ADAMTS3: variants seen among roughly 807,000 people sequenced by gnomAD.
The protein encoded by ADAMTS3 is A disintegrin and metalloproteinase with thrombospondin motifs 3.
ADAMTS3 carries 73 observed loss-of-function variants against 129.0 expected under a neutral mutation model. The ratio of observed to expected loss-of-function variants is 0.57; its 90% CI spans 0.47 to 0.69. ADAMTS3 has a LOEUF of 0.69. ADAMTS3 is among the 30% of genes least tolerant of loss of function. The pLI is 0.00. For synonymous variants in ADAMTS3, 477 were observed against 510.8 expected, an observed-to-expected ratio of 0.93 and a Z score of 0.89; for missense variants, 1,457 against 1,514.5, an observed-to-expected ratio of 0.96 and a Z score of 0.63.
At chr4:72,351,433 A>G (rs1720432948) in intron 4 of ADAMTS3, among the ~76,000 whole-genome samples, 1 of 151,844 alleles carries the variant, frequency 6.6e-6, no homozygotes, top group Non-Finnish European at 1.5e-5. Flanking sequence ...AATCCTGAAA[A>G]TGTCCCTTTA....
At chr4:72,481,787 G>A (rs1340039723) in intron 3 of ADAMTS3, among the ~76,000 whole-genome samples, 4 of 151,606 alleles carry the variant, frequency 2.6e-5, no homozygotes, top group African/African-American at 9.7e-5. Flanking sequence ...ATCTGACAAA[G>A]GAAAATTTTC....
intron 2 of ADAMTS3, among the ~76,000 whole-genome samples, chr4:72,555,476 G>A (rs1721740270): frequency 6.6e-6 from 1 of 151,728 alleles, no homozygotes; most frequent in African/African-American, 2.4e-5. Flanking sequence ...AACCTTCTTG[G>A]CAACTTATCC....
At chr4:72,395,939 G>T (rs1721714361) in intron 4 of ADAMTS3, among the ~76,000 whole-genome samples, 1 of 152,092 alleles carries the variant, frequency 6.6e-6, no homozygotes, top group East Asian at 1.9e-4. Flanking sequence ...AAACAGTTTA[G>T]GATACTGCTG....
chr4:72,517,339 T>A (rs1015107857), intron 3 of ADAMTS3, among the ~76,000 whole-genome samples: 1 of 152,238 alleles, frequency 6.6e-6, no homozygotes, highest in African/African-American at 2.4e-5. Context: ...ATCAGGATGA[T>A]GCTGGCCTCA....
At chr4:72,305,784 T>G (rs1257974770) in intron 16 of ADAMTS3, among the ~76,000 whole-genome samples, 2 of 151,672 alleles carry the variant, frequency 1.3e-5, no homozygotes, top group African/African-American at 2.4e-5. Flanking sequence ...CACATGCACA[T>G]GTACGCACAT....
intron 17 of ADAMTS3, among the ~76,000 whole-genome samples, chr4:72,299,154 T>C (rs903548190): frequency 1.3e-5 from 2 of 151,468 alleles, no homozygotes; most frequent in Non-Finnish European, 2.9e-5. Context: ...TGCACATTTC[T>C]CAAAATATTC....
At chr4:72,500,605 G>C (rs1476632337) in intron 3 of ADAMTS3, among the ~76,000 whole-genome samples, 1 of 152,048 alleles carries the variant, frequency 6.6e-6, no homozygotes, top group Non-Finnish European at 1.5e-5. Flanking sequence ...GTACAGAAAA[G>C]CTCTTTAGTT....
At chr4:72,357,562 C>T (rs1183991709) in intron 4 of ADAMTS3, among the ~76,000 whole-genome samples, 1 of 151,648 alleles carries the variant, frequency 6.6e-6, no homozygotes, top group African/African-American at 2.4e-5. Flanking sequence ...TTTACATATA[C>T]ATATATGTGT....
intron 21 of ADAMTS3, among the ~76,000 whole-genome samples, chr4:72,283,976 A>C (rs2109762343): frequency 6.6e-6 from 1 of 152,232 alleles, no homozygotes; most frequent in South Asian, 2.1e-4. Context: ...TTTTTCTCCA[A>C]GTAGGAACCT....
intron 3 of ADAMTS3, among the ~76,000 whole-genome samples, chr4:72,474,695 C>T (rs1340338822): frequency 1.3e-5 from 2 of 152,112 alleles, no homozygotes; most frequent in African/African-American, 4.8e-5. Flanking sequence ...CCAGAAACTA[C>T]ACAAGGATAT....
At chr4:72,481,497 C>T (rs970135365) in intron 3 of ADAMTS3, among the ~76,000 whole-genome samples, 1 of 152,014 alleles carries the variant, frequency 6.6e-6, no homozygotes, top group South Asian at 2.1e-4. Flanking sequence ...TCTCCATAGA[C>T]AAAAGAATAG....
At chr4:72,437,894 T>G (rs1413173617) in intron 3 of ADAMTS3, among the ~76,000 whole-genome samples, 1 of 151,752 alleles carries the variant, frequency 6.6e-6, no homozygotes, top group Non-Finnish European at 1.5e-5. Flanking sequence ...TACACGCAGT[T>G]TTGGGAAAAC....
chr4:72,470,106 A>C (rs529656763), intron 3 of ADAMTS3, among the ~76,000 whole-genome samples: 2 of 152,122 alleles, frequency 1.3e-5, no homozygotes, highest in South Asian at 4.1e-4. Flanking sequence ...AGAAGACTTC[A>C]AGTTTGTATA....
rs191951522 is a variant in ADAMTS3, at chr4:72,475,499, C to T, written c.505-60528G>A. Among the ~76,000 whole-genome samples, 104 of 151,800 alleles carry T rather than the reference C, an allele frequency of 6.9e-4. 1 individual carries two copies. The highest frequency in any genetic ancestry group is 6.8e-3 in the Middle Eastern group (2 of 294). ...ACATATGCACCAGACAACAGAGACGCAAAACATATGATACAAAAACTGATA... is the reference window on the plus strand; with the variant it reads ...ACATATGCACCAGACAACAGAGACGTAAAACATATGATACAAAAACTGATA... On this transcript the variant is annotated intron_variant, in intron 3 of 21. Coordinates refer to ENST00000286657, the MANE Select transcript of ADAMTS3 (RefSeq NM_014243.3).
chr4:72,384,239 G>A (rs28860200), intron 4 of ADAMTS3, among the ~76,000 whole-genome samples: 40,203 of 151,988 alleles, frequency 0.26, 6,136 homozygotes, highest in East Asian at 0.44. Context: ...AAAGAATTAA[G>A]AGAAAAATTA....
intron 4 of ADAMTS3, among the ~76,000 whole-genome samples, chr4:72,375,929 GA>G (rs1357504497): frequency 6.6e-6 from 1 of 151,996 alleles, no homozygotes; most frequent in African/African-American, 2.4e-5. Context: ...ATTCTAAAAG[GA>G]AAAATACAGA....
At chr4:72,433,489 G>A (rs369039782) in intron 3 of ADAMTS3, among the ~76,000 whole-genome samples, 7 of 151,928 alleles carry the variant, frequency 4.6e-5, no homozygotes, top group African/African-American at 1.4e-4. Context: ...TAAAGCGTTC[G>A]TTACTTTAAA....
chr4:72,402,804 T>C (rs1478376178), intron 4 of ADAMTS3, among the ~76,000 whole-genome samples: 2 of 152,168 alleles, frequency 1.3e-5, no homozygotes, highest in African/African-American at 4.8e-5. Flanking sequence ...TTGGACTGTC[T>C]TCCTTTGGCT....
intron 2 of ADAMTS3, among the ~76,000 whole-genome samples, chr4:72,559,922 CAAACT>C (rs778401428): frequency 6.6e-6 from 1 of 151,744 alleles, no homozygotes; most frequent in Non-Finnish European, 1.5e-5. Flanking sequence ...CTGGAGGCAT[CAAACT>C]ACCTGACTTC....
Sources: allele counts gnomAD v4.1 joint callset (sites outside exome capture counted in the v4.1 genomes callset), GRCh38; gene constraint gnomAD v4.1.1; transcripts MANE v1.5; gene names NCBI Gene and HGNC (gene_info 2026-07-23, HGNC 2026-07-21).